The following EIF4G3 variants were observed in gnomAD, a reference collection of about 807,000 sequenced individuals.
The protein encoded by EIF4G3 is eIF-4-gamma 3.
A neutral mutation model predicts 186.4 loss-of-function variants in EIF4G3; 34 were observed. The observed-to-expected ratio is 0.18, with a 90% CI of 0.14 to 0.24. EIF4G3 has a LOEUF of 0.24. Ranked by LOEUF, EIF4G3 falls within the 10% of genes least tolerant of loss-of-function variation. The pLI, the probability that EIF4G3 is intolerant of heterozygous loss-of-function variation, is 1.00. For synonymous variants in EIF4G3, 673 were observed against 679.5 expected, an observed-to-expected ratio of 0.99 and a Z score of 0.15; for missense variants, 1,536 against 1,948.5, an observed-to-expected ratio of 0.79 and a Z score of 3.99.
chr1:21,082,749 A>T (rs2095828442), intron 3 of EIF4G3, among the ~76,000 whole-genome samples: 2 of 151,936 alleles, frequency 1.3e-5, no homozygotes, highest in South Asian at 4.2e-4. Context: ...TAAAAAGTTT[A>T]AAAAATTGGC....
intron 4 of EIF4G3, among the ~76,000 whole-genome samples, chr1:21,020,224 A>G (rs1469167878): frequency 2.0e-5 from 3 of 151,998 alleles, no homozygotes; most frequent in South Asian, 2.1e-4. Flanking sequence ...CACAGTGATC[A>G]TATCTGTAAT....
rs1274103674 is a variant in EIF4G3, at chr1:20,981,534, TACGCAC to T, written c.199-313_199-308del. Among the ~76,000 whole-genome samples the T allele has an allele frequency of 9.2e-3, 633 of 68,578 alleles. 4 individuals are homozygous for T. The highest frequency in any genetic ancestry group is 0.015 in the Non-Finnish European group (420 of 28,128). The allele number at this position is 68,578 out of a possible 152,430, so 45.0% of individuals were successfully genotyped here. A position where few individuals can be genotyped will look rare whatever the true frequency, so the allele number is the denominator to read the frequency against. Reference sequence around the variant, plus strand: ...CTGTATATATACATACATACATGTATACGCACATACTGTATGTATACATACATACAT... The same window carrying T: ...CTGTATATATACATACATACATGTATATACTGTATGTATACATACATACAT... On this transcript the variant is annotated intron_variant, in intron 8 of 36. Transcript: ENST00000602326.
rs539233397 is a variant in EIF4G3 at position 21,043,056 on chromosome 1, G to A, written c.-67+7810C>T. Among the ~76,000 whole-genome samples, 5 of 152,232 alleles carry A rather than the reference G, an allele frequency of 3.3e-5. No individual in the cohort carries two copies. The South Asian group carries it at 6.2e-4, about 19-fold the overall frequency. ...TAAATGAAGTGTGATATTCCCAAGA[G>A]GTAAACTGGCAAGAAAAACGCTGAC... On this transcript the variant is annotated intron_variant, in intron 4 of 36. Coordinates refer to ENST00000602326, the MANE Select transcript of EIF4G3 (RefSeq NM_001391906.1).
At position 20,862,213 on chromosome 1, in the gene EIF4G3, T is replaced by C; in HGVS notation, c.3111+15A>G. On this transcript the variant is annotated intron_variant, in intron 23 of 36. Coordinates refer to ENST00000602326, the MANE Select transcript of EIF4G3 (RefSeq NM_001391906.1). ...CTGGACCAGCAGGCTTATTATTATT[T>C]TTTTTCCCACTCACCAGCCTTAGGT... is the stretch of plus-strand genomic sequence containing the variant. The C allele has an allele frequency of 6.7e-7, 1 of 1,490,780 alleles. No homozygotes were observed. The highest frequency in any genetic ancestry group is 1.2e-5 in the South Asian group (1 of 82,954). 92.3% of individuals were successfully genotyped at this position (1,490,780 alleles called of 1,614,324 possible).
At chr1:20,854,691 C>T (rs545067419) in intron 26 of EIF4G3, among the ~76,000 whole-genome samples, 174 of 149,260 alleles carry the variant, frequency 1.2e-3, no homozygotes, top group African/African-American at 4.0e-3. Context: ...GGTGACAGAG[C>T]GGGATCCCAT....
At chr1:21,121,514 C>T (rs12405090) in intron 2 of EIF4G3, among the ~76,000 whole-genome samples, 56,107 of 151,906 alleles carry the variant, frequency 0.37, 10,995 homozygotes, top group Non-Finnish European at 0.43. Context: ...GTGGCTCACG[C>T]CTATAATCCC....
At chr1:20,906,869 G>A (rs2092266910) in intron 14 of EIF4G3, among the ~76,000 whole-genome samples, 1 of 151,816 alleles carries the variant, frequency 6.6e-6, no homozygotes. Context: ...TGAGGTTGGG[G>A]CATATATCCC....
At chr1:21,122,923 T>A (rs2096952299) in intron 2 of EIF4G3, among the ~76,000 whole-genome samples, 1 of 152,138 alleles carries the variant, frequency 6.6e-6, no homozygotes. Flanking sequence ...AGAGAAAAGT[T>A]AAAATAATGT....
At chr1:21,074,184 T>G (rs1176060201) in intron 3 of EIF4G3, among the ~76,000 whole-genome samples, 1 of 152,218 alleles carries the variant, frequency 6.6e-6, no homozygotes, top group Non-Finnish European at 1.5e-5. Flanking sequence ...AGGATAATTC[T>G]TTATCATGAG....
At chr1:20,892,473 A>C in intron 18 of EIF4G3, 1 of 654,064 alleles carries the variant, frequency 1.5e-6, no homozygotes. Flanking sequence ...TGTAATGGCA[A>C]TCTGCAGTTT....
intron 3 of EIF4G3, 87 bp downstream of exon 3, chr1:21,089,051 G>A (rs2096088621): frequency 1.5e-6 from 1 of 661,200 alleles, no homozygotes; most frequent in African/African-American, 1.8e-5. Flanking sequence ...TTTGTCATGT[G>A]TCAATCAAAC....
At chr1:20,964,018 T>A (rs983561813) in intron 12 of EIF4G3, among the ~76,000 whole-genome samples, 15 of 152,210 alleles carry the variant, frequency 9.9e-5, no homozygotes, top group African/African-American at 3.4e-4. Context: ...ATCATGTATT[T>A]ATTTTTACAC....
chr1:21,093,128 T>C lies in EIF4G3; in HGVS notation c.-271-3915A>G, dbSNP rs1048921983. 2.4e-4 allele frequency among the ~76,000 whole-genome samples: 37 copies of C among 152,166 alleles called. 1 individual carries two copies. The highest frequency in any genetic ancestry group is 8.2e-4 in the African/African-American group (34 of 41,510). On this transcript the variant is annotated intron_variant, in intron 2 of 36. Coordinates refer to ENST00000602326, the MANE Select transcript of EIF4G3 (RefSeq NM_001391906.1). The stretch of plus-strand genomic sequence containing the variant: ...ATCTAATTAAACTAAAGAGCTTCTG[T>C]ACAGCAAAAGAAACTACCATCAGAG...
chr1:21,106,451 GAATAACC>G (rs1331289769), intron 2 of EIF4G3, among the ~76,000 whole-genome samples: 3 of 151,992 alleles, frequency 2.0e-5, no homozygotes, highest in African/African-American at 7.3e-5. Context: ...TGAAGGAAAG[GAATAACC>G]AAGAATAGTT....
At chr1:21,064,242 A>G (rs560291582) in intron 3 of EIF4G3, among the ~76,000 whole-genome samples, 1 of 152,234 alleles carries the variant, frequency 6.6e-6, no homozygotes, top group Admixed American at 6.5e-5. Context: ...TGTGCCCTGC[A>G]GCCACCCAGA....
At chr1:21,116,152 A>C (rs2096818426) in intron 2 of EIF4G3, among the ~76,000 whole-genome samples, 1 of 152,202 alleles carries the variant, frequency 6.6e-6, no homozygotes. Context: ...ATAGCAGCTG[A>C]ATTAATGACA....
chr1:20,862,360 C>T, intron 22 of EIF4G3, 28 bp from the exon 23 acceptor site: 1 of 1,328,330 alleles, frequency 7.5e-7, no homozygotes, highest in Non-Finnish European at 1.1e-6. Flanking sequence ...ATTAGTACTC[C>T]TGTCTGAGAA....
At chr1:20,994,459 G>GA (rs1163547750) in intron 7 of EIF4G3, among the ~76,000 whole-genome samples, 4 of 151,592 alleles carry the variant, frequency 2.6e-5, no homozygotes, top group East Asian at 1.9e-4. Context: ...TGGTGTTCAG[G>GA]AAAAAAAGGA....
At chr1:21,002,432 C>T (rs1331205359) in intron 5 of EIF4G3, among the ~76,000 whole-genome samples, 1 of 152,110 alleles carries the variant, frequency 6.6e-6, no homozygotes, top group Non-Finnish European at 1.5e-5. Flanking sequence ...ATAAAGTAAA[C>T]TTGAATGCAA....
Sources: gnomAD v4.1 joint callset for allele counts (sites outside exome capture counted in the v4.1 genomes callset) on GRCh38, gnomAD v4.1.1 for gene constraint, MANE v1.5 for transcripts, NCBI Gene and HGNC (gene_info 2026-07-23, HGNC 2026-07-21) for gene names.